Variants in SNRPA observed in about 807,000 individuals in gnomAD.
The protein encoded by SNRPA is U1 small nuclear ribonucleoprotein A.
A neutral mutation model predicts 24.5 loss-of-function variants in SNRPA; 10 were observed. The ratio of observed to expected loss-of-function variants is 0.41; its 90% CI spans 0.25 to 0.69. The LOEUF (loss-of-function observed/expected upper bound fraction) is 0.69, where lower values mean the gene tolerates loss of function less well. SNRPA is among the 30% of genes least tolerant of loss of function. The pLI is 0.33. For missense variants in SNRPA, 283 were observed against 394.7 expected (o/e 0.72, Z 2.40); for synonymous variants, 165 against 148.4 (o/e 1.11, Z -0.81).
At position 40,759,506 on chromosome 19, in the gene SNRPA, C is replaced by T. The variant is rs754567162; in HGVS notation, c.322C>T (p.Arg108Trp). The T allele has an allele frequency of 6.8e-6, 11 of 1,613,886 alleles. 1 individual carries two copies. In the South Asian group the frequency reaches 7.7e-5, roughly 11 times the overall value. ...CACCTTCGTGGAGCGGGACCGCAAG[C>T]GGGAGAAGAGGAAGCCCAAGAGCCA... Reference protein sequence around the residue: ...KGTFVERDRKREKRKPKSQET... With the variant: ...KGTFVERDRKWEKRKPKSQET... Residue 108 changes from arginine (R) to tryptophan (W), a missense_variant, in exon 3 of 6, where the codon CGG becomes TGG. Physicochemically the swap from Arg to Trp is moderately radical, Grantham distance 101 (BLOSUM62 -3). This residue lies in a region of SNRPA where 167 missense variants were observed against 174.3 expected (regional missense o/e 0.96). Coordinates refer to ENST00000243563, the MANE Select transcript of SNRPA (RefSeq NM_004596.5).
intron 1 of SNRPA, 57 bp downstream of exon 1, chr19:40,751,538 C>T: frequency 8.2e-7 from 1 of 1,213,688 alleles, no homozygotes; most frequent in Non-Finnish European, 1.2e-6. Flanking sequence ...GGCCCCTCTT[C>T]CGTCCCCTGC....
intron 1 of SNRPA, among the ~76,000 whole-genome samples, chr19:40,754,256 C>T (rs1482148550): frequency 6.6e-6 from 1 of 152,098 alleles, no homozygotes; most frequent in African/African-American, 2.4e-5. Context: ...GCACCTGCTA[C>T]CACGCTTGGC....
At chr19:40,751,555 CTCTCTT>C (rs1419713665) in intron 1 of SNRPA, 74 bp downstream of exon 1, 4 of 1,087,892 alleles carry the variant, frequency 3.7e-6, no homozygotes, top group East Asian at 4.7e-5. Context: ...CTGCACCCGC[CTCTCTT>C]TCTAAGTGTT....
Position 40,765,267 on chromosome 19 carries a change from T to C in SNRPA, c.*100T>C, listed in dbSNP as rs1281131087. On this transcript the variant is annotated 3_prime_UTR_variant, in exon 6 of 6. Transcript: ENST00000243563. ...GGTAAGTCCCCCCTTGGGGGCCTTC[T>C]TGGAGCCGTGTGTGAGTGAGTGGTC... is the stretch of plus-strand genomic sequence containing the variant. 8.1e-6 allele frequency: 6 copies of C among 743,848 alleles called. No homozygotes were observed. In the African/African-American group the frequency reaches 9.3e-5, roughly 12 times the overall value. The allele number at this position is 743,848 out of a possible 1,614,324, so 46.1% of individuals were successfully genotyped here. A position where few individuals can be genotyped will look rare whatever the true frequency, so the allele number is the denominator to read the frequency against.
intron 1 of SNRPA, 82 bp from the exon 2 acceptor site, chr19:40,757,250 A>C (rs896508343): frequency 1.5e-6 from 2 of 1,379,224 alleles, no homozygotes; most frequent in African/African-American, 2.9e-5. Context: ...TGGGTACCCC[A>C]TCAATTGGCT....
chr19:40,753,380 ATATGTTTTTTT>A (rs1197897042), intron 1 of SNRPA, among the ~76,000 whole-genome samples: 8 of 86,466 alleles, frequency 9.3e-5, no homozygotes, highest in African/African-American at 3.8e-4. Context: ...TAAATTTTGC[ATATGTTTTTTT>A]TTTTTTTTTT....
chr19:40,752,378 G>T (rs1234126233), intron 1 of SNRPA, among the ~76,000 whole-genome samples: 2 of 151,508 alleles, frequency 1.3e-5, no homozygotes, highest in Admixed American at 1.3e-4. Flanking sequence ...TGAGACAGGG[G>T]TGATGTGACT....
chr19:40,762,398 G>T (rs532883126), intron 3 of SNRPA, among the ~76,000 whole-genome samples: 4 of 151,980 alleles, frequency 2.6e-5, no homozygotes, highest in Admixed American at 6.6e-5. Context: ...TGTATTTTTG[G>T]TAGGGGCGGG....
At chr19:40,763,410 G>T in intron 4 of SNRPA, 177 bp from the exon 5 acceptor site, 1 of 649,942 alleles carries the variant, frequency 1.5e-6, no homozygotes, top group Non-Finnish European at 2.8e-6. Flanking sequence ...GTGGCCTATA[G>T]TCTGTAGGGG....
intron 1 of SNRPA, among the ~76,000 whole-genome samples, chr19:40,755,639 G>GT (rs1341001502): frequency 6.6e-6 from 1 of 152,238 alleles, no homozygotes; most frequent in Non-Finnish European, 1.5e-5. Flanking sequence ...GCCTCCCAGA[G>GT]TGCTGGGATT....
At chr19:40,762,876 C>T (rs752356416) in intron 3 of SNRPA, 25 bp from the exon 4 acceptor site, 30 of 1,610,482 alleles carry the variant, frequency 1.9e-5, no homozygotes, top group Non-Finnish European at 2.1e-5. Context: ...GCTGTAACCA[C>T]GCACTCTCCT....
intron 1 of SNRPA, among the ~76,000 whole-genome samples, chr19:40,756,106 C>CA (rs796990890): frequency 9.2e-5 from 14 of 151,986 alleles, no homozygotes; most frequent in African/African-American, 3.4e-4. Context: ...ACTGTGTCTA[C>CA]AAAAAATAAA....
rs755452689 is a variant in SNRPA, at chr19:40,757,375, G to C, written c.117G>C (p.Gln39His). ...ACGCCATCTTCTCCCAGTTTGGCCA[G>C]ATCCTGGATATCCTGGTATCACGGA... ...SLYAIFSQFG[Q>H]ILDILVSRSL... is the part of the protein sequence containing the mutation. Residue 39 changes from glutamine to histidine, a missense_variant, in exon 2 of 6, where the codon CAG becomes CAC. Coordinates refer to ENST00000243563, the MANE Select transcript of SNRPA (RefSeq NM_004596.5). The C allele has an allele frequency of 1.2e-6, 2 of 1,614,160 alleles. No individual in the cohort carries two copies.
Position 40,764,759 on chromosome 19 carries a change from C to T in SNRPA, c.690-249C>T, listed in dbSNP as rs1016296992. On this transcript the variant is annotated intron_variant, in intron 5 of 5. Coordinates refer to ENST00000243563, the MANE Select transcript of SNRPA (RefSeq NM_004596.5). ...GATTTAGGAAGGGCCCAGGAGACTGCGGTGTACTGTTTCTTGATTTAGGTT... is the reference window on the plus strand; with the variant it reads ...GATTTAGGAAGGGCCCAGGAGACTGTGGTGTACTGTTTCTTGATTTAGGTT... Among the ~76,000 whole-genome samples the T allele has an allele frequency of 3.9e-5, 6 of 151,994 alleles. No individual in the cohort carries two copies. In the South Asian group the frequency reaches 6.2e-4, roughly 16 times the overall value.
Position 40,759,594 on chromosome 19 carries a change from T to C in SNRPA, c.410T>C (p.Val137Ala). The change falls in exon 3 of 6, where the codon GTC becomes GCC. Residue 137 changes from valine (V) to alanine (A), a missense_variant. Coordinates refer to ENST00000243563, the MANE Select transcript of SNRPA (RefSeq NM_004596.5). ...GGGATPVVGAVQGPVPGMPPM... is the reference protein window; with the variant it reads ...GGGATPVVGAAQGPVPGMPPM... ...GGAGCCACCCCCGTGGTGGGGGCTG[T>C]CCAGGGGCCTGTCCCGGTAAGCCAG... is the stretch of plus-strand genomic sequence containing the variant. 6.2e-7 allele frequency: 1 copy of C among 1,608,712 alleles called. No homozygotes were observed. The highest frequency in any genetic ancestry group is 1.1e-5 in the South Asian group (1 of 90,882).
chr19:40,763,732 C>T (rs1284071199), intron 5 of SNRPA, 57 bp downstream of exon 5: 1 of 1,393,700 alleles, frequency 7.2e-7, no homozygotes, highest in African/African-American at 1.4e-5. Flanking sequence ...GAGGCATCTC[C>T]ATGGAAACAG....
At chr19:40,759,309 C>A in intron 2 of SNRPA, 122 bp from the exon 3 acceptor site, 1 of 944,966 alleles carries the variant, frequency 1.1e-6, no homozygotes, top group Non-Finnish European at 1.5e-6. Flanking sequence ...TTTAGCCTCC[C>A]AAAGGGCTGG....
intron 3 of SNRPA, among the ~76,000 whole-genome samples, chr19:40,762,532 T>C (rs1192065886): frequency 5.3e-5 from 8 of 151,950 alleles, no homozygotes; most frequent in Admixed American, 3.9e-4. Context: ...CACATTTCTT[T>C]CTGCACCTGC....
At chr19:40,755,581 G>A (rs1009722290) in intron 1 of SNRPA, among the ~76,000 whole-genome samples, 1 of 152,198 alleles carries the variant, frequency 6.6e-6, no homozygotes, top group African/African-American at 2.4e-5. Context: ...TCACCCTATT[G>A]CCCAGACTGG....
Sources: gnomAD v4.1 joint callset for allele counts (sites outside exome capture counted in the v4.1 genomes callset) on GRCh38, gnomAD v4.1.1 for gene constraint, gnomAD v4.1.1 regional missense constraint, MANE v1.5 for transcripts, NCBI Gene and HGNC (gene_info 2026-07-23, HGNC 2026-07-21) for gene names.